CTNNA2: variants seen among roughly 807,000 people sequenced by gnomAD.
The protein encoded by CTNNA2 is catenin alpha-2.
In CTNNA2, 42 loss-of-function variants were observed where a neutral mutation model predicts 101.0. That is an observed-to-expected ratio of 0.42 (90% CI 0.32 to 0.54). The LOEUF (loss-of-function observed/expected upper bound fraction) is 0.54. Ranked by LOEUF, CTNNA2 falls within the 20% of genes least tolerant of loss-of-function variation. The pLI is 0.14. For missense variants in CTNNA2, 871 were observed against 1,223.1 expected (o/e 0.71, Z 4.29); for synonymous variants, 450 against 456.4 (o/e 0.99, Z 0.18).
chr2:79,269,931 C>T (rs1304552541), intron 2 of CTNNA2, among the ~76,000 whole-genome samples: 4 of 152,084 alleles, frequency 2.6e-5, no homozygotes, highest in Non-Finnish European at 4.4e-5. Context: ...TTATTTAGGG[C>T]CCTGGGTTTA....
chr2:80,581,019 A>ACAAC (rs148189847), intron 13 of CTNNA2, among the ~76,000 whole-genome samples: 4 of 151,700 alleles, frequency 2.6e-5, no homozygotes, highest in Non-Finnish European at 5.9e-5. Context: ...CTGTCTCAAA[A>ACAAC]CAACAAACCC....
intron 7 of CTNNA2, among the ~76,000 whole-genome samples, chr2:80,184,971 A>G (rs1227682099): frequency 6.6e-6 from 1 of 152,180 alleles, no homozygotes; most frequent in African/African-American, 2.4e-5. Context: ...ATGCTAGTAT[A>G]TTGGCACTGC....
intron 3 of CTNNA2, among the ~76,000 whole-genome samples, chr2:79,772,452 A>C (rs574454523): frequency 6.6e-6 from 1 of 152,336 alleles, no homozygotes; most frequent in African/African-American, 2.4e-5. Context: ...TCCATCTCAG[A>C]TAATAGTTCA....
chr2:79,502,486 T>C (rs1671331045), intron 4 of CTNNA2, among the ~76,000 whole-genome samples: 2 of 152,180 alleles, frequency 1.3e-5, no homozygotes, highest in Non-Finnish European at 2.9e-5. Flanking sequence ...CTCCCTTCAT[T>C]CAGGTTTTGA....
intron 3 of CTNNA2, among the ~76,000 whole-genome samples, chr2:79,763,418 C>T (rs1048448580): frequency 2.6e-5 from 4 of 152,134 alleles, no homozygotes; most frequent in Admixed American, 6.5e-5. Context: ...CCATTTTCTT[C>T]TCCATCCAGA....
At chr2:79,395,926 C>T (rs17710053) in intron 4 of CTNNA2, among the ~76,000 whole-genome samples, 4,824 of 152,216 alleles carry the variant, frequency 0.032, 91 homozygotes, top group East Asian at 0.065. Flanking sequence ...AATCTTAACA[C>T]AAAGACTAGC....
At chr2:80,103,834 A>C (rs944445988) in intron 7 of CTNNA2, among the ~76,000 whole-genome samples, 1 of 152,174 alleles carries the variant, frequency 6.6e-6, no homozygotes, top group African/African-American at 2.4e-5. Flanking sequence ...TCCCGGGTTC[A>C]AGTGATTCTC....
intron 7 of CTNNA2, among the ~76,000 whole-genome samples, chr2:80,319,493 C>T (rs377300239): frequency 2.0e-5 from 3 of 152,262 alleles, no homozygotes; most frequent in Middle Eastern, 6.8e-3. Flanking sequence ...AGAAATCTTT[C>T]TGAGATCCAA....
intron 2 of CTNNA2, among the ~76,000 whole-genome samples, chr2:79,228,210 G>A (rs1674446152): frequency 6.6e-6 from 1 of 152,170 alleles, no homozygotes; most frequent in Non-Finnish European, 1.5e-5. Flanking sequence ...GTGCTGCAGT[G>A]AACATATGGG....
At chr2:80,134,659 A>G (rs1295590994) in intron 7 of CTNNA2, among the ~76,000 whole-genome samples, 2 of 151,974 alleles carry the variant, frequency 1.3e-5, no homozygotes, top group African/African-American at 4.8e-5. Flanking sequence ...TCAGCATCTC[A>G]CTCAAAAGAG....
At chr2:80,156,072 A>G (rs960813154) in intron 7 of CTNNA2, among the ~76,000 whole-genome samples, 1 of 152,190 alleles carries the variant, frequency 6.6e-6, no homozygotes, top group African/African-American at 2.4e-5. Flanking sequence ...ACAAGCTCCA[A>G]GGTGATGTGG....
chr2:80,598,554 T>C (rs937369396), intron 15 of CTNNA2, among the ~76,000 whole-genome samples: 2 of 152,178 alleles, frequency 1.3e-5, no homozygotes, highest in East Asian at 3.8e-4. Context: ...ACGTAAAAAC[T>C]TGTATTCACC....
At chr2:80,393,173 A>G in intron 7 of CTNNA2, 38 bp from the exon 8 acceptor site, 6 of 1,487,854 alleles carry the variant, frequency 4.0e-6, no homozygotes, top group Non-Finnish European at 5.5e-6. Context: ...CTAACATTGA[A>G]TATGCTAAAT....
rs758347089 is a variant in CTNNA2, at chr2:79,796,909, G to T, written c.298+52327G>T. Among the ~76,000 whole-genome samples the T allele has an allele frequency of 2.0e-5, 3 of 152,194 alleles. No individual in the cohort carries two copies. In the South Asian group the frequency reaches 6.2e-4, roughly 31 times the overall value. On this transcript the variant is annotated intron_variant, in intron 3 of 18. Coordinates refer to ENST00000402739, the MANE Select transcript of CTNNA2 (RefSeq NM_001282597.3). ...GATGGAACAGTGCAGGGATGAGATA[G>T]ATATGACTCATGAAGCTCAGTCTAG...
At chr2:80,133,846 A>G (rs1702547908) in intron 7 of CTNNA2, among the ~76,000 whole-genome samples, 1 of 152,200 alleles carries the variant, frequency 6.6e-6, no homozygotes, top group Non-Finnish European at 1.5e-5. Flanking sequence ...AAGAAATGAA[A>G]AAGAATGAAA....
chr2:79,857,900 C>G lies in CTNNA2; in HGVS notation c.299-113C>G, dbSNP rs943708587. ...GCAATAGAGGTGGCAGAAATACCAC[C>G]TGGTCATCAGAGTTTTGCAATAAAA... On this transcript the variant is annotated intron_variant, in intron 3 of 18. Coordinates refer to ENST00000402739, the MANE Select transcript of CTNNA2 (RefSeq NM_001282597.3). 1.3e-5 allele frequency: 15 copies of G among 1,138,562 alleles called. No individual in the cohort carries two copies. The African/African-American group carries it at 2.3e-4, about 18-fold the overall frequency. The allele number at this position is 1,138,562 out of a possible 1,614,324, so 70.5% of individuals were successfully genotyped here.
intron 17 of CTNNA2, among the ~76,000 whole-genome samples, chr2:80,617,040 A>C (rs1698910533): frequency 6.6e-6 from 1 of 151,592 alleles, no homozygotes; most frequent in Admixed American, 6.6e-5. Context: ...AAAGTGTTTA[A>C]CTCCATTTTT....
At chr2:79,982,859 A>C (rs192241854) in intron 7 of CTNNA2, among the ~76,000 whole-genome samples, 1 of 151,352 alleles carries the variant, frequency 6.6e-6, no homozygotes, top group African/African-American at 2.4e-5. Flanking sequence ...ACTTTCCTCT[A>C]TCTCTCTTTC....
intron 2 of CTNNA2, among the ~76,000 whole-genome samples, chr2:79,670,186 A>G (rs1606115): frequency 0.64 from 97,327 of 152,094 alleles, 31,429 homozygotes; most frequent in East Asian, 0.79. Flanking sequence ...CAGGGCCCAC[A>G]CTTGTCCCGG....
Sources: allele counts gnomAD v4.1 joint callset (sites outside exome capture counted in the v4.1 genomes callset), GRCh38; gene constraint gnomAD v4.1.1; transcripts MANE v1.5; gene names NCBI Gene and HGNC (gene_info 2026-07-23, HGNC 2026-07-21).